Variants in CCDC172 observed in about 807,000 individuals in gnomAD.
The protein encoded by CCDC172 is coiled-coil domain containing 172.
In CCDC172, 30 loss-of-function variants were observed where a neutral mutation model predicts 38.0. The observed-to-expected ratio is 0.79, with a 90% CI of 0.59 to 1.07. The LOEUF (loss-of-function observed/expected upper bound fraction) is 1.07, where lower values mean the gene tolerates loss of function less well. CCDC172 is among the 50% of genes least tolerant of loss of function. The pLI is 0.00. For synonymous variants in CCDC172, 78 were observed against 88.3 expected, an observed-to-expected ratio of 0.88 and a Z score of 0.66; for missense variants, 297 against 290.1, an observed-to-expected ratio of 1.02 and a Z score of -0.17.
At chr10:116,340,437 T>C (rs1385749108) in intron 3 of CCDC172, among the ~76,000 whole-genome samples, 1 of 151,872 alleles carries the variant, frequency 6.6e-6, no homozygotes, top group African/African-American at 2.4e-5. Flanking sequence ...CAAAAAGCGT[T>C]AGTACCTAGC....
Position 116,342,111 on chromosome 10 carries a change from G to A in CCDC172, c.358G>A (p.Glu120Lys), listed in dbSNP as rs868571860. ...KEITDFNNDY[E>K]ITKKRELLMK... ...AATTACAGACTTTAATAATGATTAT[G>A]AAATAACAAAGAAAAGAGAGCTTTT... is the stretch of plus-strand genomic sequence containing the variant. The change falls in exon 5 of 9, where the codon GAA (glutamate) becomes AAA (lysine). Residue 120 changes from glutamate to lysine, a missense_variant. By Grantham distance (56) the Glu-to-Lys change is moderately conservative (BLOSUM62 1). Coordinates refer to ENST00000333254, the MANE Select transcript of CCDC172 (RefSeq NM_198515.3). 3 of 1,551,030 alleles carry A rather than the reference G, an allele frequency of 1.9e-6. No homozygotes were observed. The highest frequency in any genetic ancestry group is 2.6e-6 in the Non-Finnish European group (3 of 1,156,900).
At chr10:116,376,606 A>G (rs906112825) in intron 7 of CCDC172, among the ~76,000 whole-genome samples, 1 of 152,226 alleles carries the variant, frequency 6.6e-6, no homozygotes, top group African/African-American at 2.4e-5. Flanking sequence ...AAATTTCCAG[A>G]GCACATTTAT....
Position 116,329,794 on chromosome 10 carries a change from C to T in CCDC172, c.165+4406C>T, listed in dbSNP as rs558849949. On this transcript the variant is annotated intron_variant, in intron 3 of 8. Coordinates refer to ENST00000333254, the MANE Select transcript of CCDC172 (RefSeq NM_198515.3). ...CACCAAACTGTACTAGTAGTCATCT[C>T]GTATTCTTCACTGCCATGCACTCTC... Among the ~76,000 whole-genome samples the T allele has an allele frequency of 8.5e-5, 13 of 152,244 alleles. No homozygotes were observed. In the South Asian group the frequency reaches 1.0e-3, roughly 12 times the overall value.
intron 7 of CCDC172, among the ~76,000 whole-genome samples, chr10:116,372,196 C>G (rs1024723979): frequency 6.6e-6 from 1 of 151,842 alleles, no homozygotes; most frequent in Non-Finnish European, 1.5e-5. Context: ...ATTTGGTTTT[C>G]GTATTGAGAG....
chr10:116,324,680 T>A (rs943326739), intron 1 of CCDC172, 67 bp downstream of exon 1: 1 of 257,266 alleles, frequency 3.9e-6, no homozygotes, highest in Admixed American at 5.0e-5. Context: ...GAGGCCTGAG[T>A]CAGGGGTTCC....
intron 7 of CCDC172, among the ~76,000 whole-genome samples, chr10:116,365,871 T>G (rs1244853192): frequency 6.6e-6 from 1 of 152,180 alleles, no homozygotes; most frequent in Non-Finnish European, 1.5e-5. Flanking sequence ...TTCAGTACAG[T>G]AACATGTGGT....
chr10:116,350,884 C>G (rs2089521889), intron 5 of CCDC172, among the ~76,000 whole-genome samples: 2 of 152,016 alleles, frequency 1.3e-5, no homozygotes, highest in African/African-American at 4.8e-5. Flanking sequence ...TCAATTATAC[C>G]TAAATAAAGC....
intron 7 of CCDC172, 154 bp from the exon 8 acceptor site, chr10:116,378,269 A>C: frequency 1.4e-6 from 1 of 723,754 alleles, no homozygotes; most frequent in Non-Finnish European, 2.0e-6. Context: ...AATTTTATAT[A>C]GTCTTTATGG....
At chr10:116,347,760 CA>C (rs1307191468) in intron 5 of CCDC172, among the ~76,000 whole-genome samples, 4 of 152,106 alleles carry the variant, frequency 2.6e-5, no homozygotes, top group Non-Finnish European at 5.9e-5. Flanking sequence ...TATTGGAAAA[CA>C]AAGACAAAAT....
intron 3 of CCDC172, among the ~76,000 whole-genome samples, chr10:116,335,141 G>A (rs74158440): frequency 0.032 from 4,808 of 151,934 alleles, 256 homozygotes; most frequent in African/African-American, 0.11. Context: ...TTCTAGGCTT[G>A]GGAAAGCCTG....
At chr10:116,340,484 C>T (rs1005057232) in intron 3 of CCDC172, among the ~76,000 whole-genome samples, 2 of 151,766 alleles carry the variant, frequency 1.3e-5, no homozygotes, top group Non-Finnish European at 3.0e-5. Flanking sequence ...AAAAAGAAAG[C>T]ACATTCTCTG....
intron 7 of CCDC172, among the ~76,000 whole-genome samples, chr10:116,365,359 A>T (rs191827564): frequency 6.6e-6 from 1 of 152,282 alleles, no homozygotes; most frequent in Admixed American, 6.5e-5. Context: ...TCACCACCTA[A>T]TTCTGATAGG....
At chr10:116,377,600 CTT>C (rs1042341016) in intron 7 of CCDC172, among the ~76,000 whole-genome samples, 6 of 152,034 alleles carry the variant, frequency 3.9e-5, no homozygotes, top group Non-Finnish European at 5.9e-5. Context: ...GGAAAAGAAA[CTT>C]AATTGGGGAA....
chr10:116,347,141 G>C (rs1167731999), intron 5 of CCDC172, among the ~76,000 whole-genome samples: 3 of 152,044 alleles, frequency 2.0e-5, no homozygotes, highest in Admixed American at 6.5e-5. Context: ...TTAAATTTTG[G>C]GACTCACCTA....
intron 7 of CCDC172, among the ~76,000 whole-genome samples, chr10:116,358,586 T>C (rs140789749): frequency 6.6e-6 from 1 of 152,240 alleles, no homozygotes; most frequent in African/African-American, 2.4e-5. Context: ...ACTGGATCTA[T>C]GAAGAAGCAA....
rs1436049167 is a variant in CCDC172, at chr10:116,340,841, T to C, written c.273T>C (p.Leu91=). The C allele has an allele frequency of 6.5e-7, 1 of 1,529,374 alleles. No homozygotes were observed. Among genetic ancestry groups the C allele is most frequent in the Non-Finnish European group, 9.0e-7 (1 of 1,108,712 alleles). The allele number at this position is 1,529,374 out of a possible 1,614,324, so 94.7% of individuals were successfully genotyped here. A position where few individuals can be genotyped will look rare whatever the true frequency, so the allele number is the denominator to read the frequency against. ...SEITNHRNML[L]QTFEAIKKQM... ...TTACAAACCATAGGAATATGCTTCT[T>C]CAAACCTTTGTAAGTTTCCAGCCAC... The change falls in exon 4 of 9, where the codon CTT becomes CTC. Residue 91 remains leucine (L), a synonymous_variant. Coordinates refer to ENST00000333254, the MANE Select transcript of CCDC172 (RefSeq NM_198515.3).
intron 5 of CCDC172, among the ~76,000 whole-genome samples, chr10:116,349,778 G>A (rs1359181945): frequency 5.9e-5 from 9 of 152,208 alleles, no homozygotes; most frequent in South Asian, 2.1e-4. Context: ...CTGCCCCCAT[G>A]GAGCCTACAT....
intron 7 of CCDC172, among the ~76,000 whole-genome samples, chr10:116,370,714 AT>A (rs1404691676): frequency 6.7e-6 from 1 of 149,772 alleles, no homozygotes; most frequent in Non-Finnish European, 1.5e-5. Context: ...TTGAATGTTT[AT>A]TTTTTTCCAT....
chr10:116,361,671 C>T (rs1845065723), intron 7 of CCDC172, among the ~76,000 whole-genome samples: 1 of 152,112 alleles, frequency 6.6e-6, no homozygotes, highest in African/African-American at 2.4e-5. Context: ...AGTTAATATA[C>T]ACCTGCTACG....
Sources: gnomAD v4.1 joint callset for allele counts (sites outside exome capture counted in the v4.1 genomes callset) on GRCh38, gnomAD v4.1.1 for gene constraint, MANE v1.5 for transcripts, NCBI Gene and HGNC (gene_info 2026-07-23, HGNC 2026-07-21) for gene names.